Variants in DMD observed in about 807,000 individuals in gnomAD.
The protein encoded by DMD is dystrophin.
DMD carries 63 observed loss-of-function variants against 330.1 expected under a neutral mutation model. That is an observed-to-expected ratio of 0.19 (90% CI 0.16 to 0.24). DMD has a LOEUF of 0.24. Among genes scored for constraint, DMD ranks in the 10% least tolerant of loss-of-function variants. The pLI is 1.00. For synonymous variants in DMD, 1,223 were observed against 959.8 expected (o/e 1.27, Z -5.07); for missense variants, 3,344 against 2,684.1 (o/e 1.25, Z -5.43).
At chrX:33,016,573 G>C (rs888267164) in intron 2 of DMD, among the ~76,000 whole-genome samples, 11 of 111,314 alleles carry the variant, frequency 9.9e-5, no homozygotes, top group Non-Finnish European at 1.9e-4. Context: ...CTTTTGTGAA[G>C]ACATTAGACA....
chrX:31,478,000 AT>A lies in DMD; in HGVS notation c.8937+105del, dbSNP rs201871599. The A allele has an allele frequency of 1.0e-3, 949 of 931,267 alleles. 3 individuals carry two copies. The African/African-American group carries it at 0.016, about 16-fold the overall frequency. The allele number at this position is 931,267 out of a possible 1,213,427, so 76.7% of individuals were successfully genotyped here. ...GACTGAATTTGTGAAAGACGGACTG[AT>A]TTCTCTAGCTTTAACTTTGTGGGAA... On this transcript the variant is annotated intron_variant, in intron 59 of 78. Transcript: ENST00000357033.
chrX:32,538,662 T>C (rs1474702432), intron 17 of DMD, among the ~76,000 whole-genome samples: 1 of 111,241 alleles, frequency 9.0e-6, no homozygotes, highest in Non-Finnish European at 1.9e-5. Flanking sequence ...GACACTCCAG[T>C]GAACTGATTT....
chrX:32,928,066 T>A (rs2089233650), intron 2 of DMD, among the ~76,000 whole-genome samples: 1 of 111,144 alleles, frequency 9.0e-6, no homozygotes, highest in Admixed American at 9.6e-5. Flanking sequence ...GCCATTAATT[T>A]TCTATGATAA....
chrX:33,222,476 T>C (rs1015602271), intron 1 of DMD, among the ~76,000 whole-genome samples: 1 of 112,396 alleles, frequency 8.9e-6, no homozygotes, highest in Non-Finnish European at 1.9e-5. Context: ...CCCCTTAATA[T>C]TGTGAACAAG....
intron 50 of DMD, among the ~76,000 whole-genome samples, chrX:31,779,693 G>GTGTGTA (rs1391162767): frequency 5.7e-5 from 5 of 87,614 alleles, no homozygotes; most frequent in African/African-American, 1.9e-4. Flanking sequence ...CATTGTGTGT[G>GTGTGTA]TGTGTGTGTG....
Position 31,627,716 on chromosome X carries a change from A to T in DMD, c.8174T>A (p.Leu2725Gln). 8.3e-7 allele frequency: 1 copy of T among 1,211,474 alleles called. No individual in the cohort carries two copies. Among genetic ancestry groups the T allele is most frequent in the South Asian group, 1.8e-5 (1 of 56,989 alleles). ...CTCTTTTACTCCCTTGGAGTCTTCT[A>T]GGAGCCTTTCCTTACGGGTAGCATC... is the stretch of plus-strand genomic sequence containing the variant. ...LQDATRKERL[L>Q]EDSKGVKELM... is the part of the protein sequence containing the mutation. Residue 2725 changes from leucine to glutamine, a missense_variant, in exon 55 of 79, where the codon CTA becomes CAA. Coordinates refer to ENST00000357033, the MANE Select transcript of DMD (RefSeq NM_004006.3).
At position 31,879,209 on chromosome X, in the gene DMD, C is replaced by CGT. The variant is rs1556965813; in HGVS notation, c.6913-3837_6913-3836insAC. On this transcript the variant is annotated intron_variant, in intron 47 of 78. Coordinates refer to ENST00000357033, the MANE Select transcript of DMD (RefSeq NM_004006.3). ...TTAATGGACTCACCATTCTACATGGCGGGGGGGGGCCTCACAATCATGGCA... is the reference window on the plus strand; with the variant it reads ...TTAATGGACTCACCATTCTACATGGCGTGGGGGGGGGCCTCACAATCATGGCA... Among the ~76,000 whole-genome samples the CGT allele has an allele frequency of 2.4e-5, 2 of 83,804 alleles. 1 individual carries two copies. Among genetic ancestry groups the CGT allele is most frequent in the African/African-American group, 8.9e-5 (2 of 22,439 alleles). 72.8% of individuals were successfully genotyped at this position (83,804 alleles called of 115,157 possible). A position where few individuals can be genotyped will look rare whatever the true frequency, so the allele number is the denominator to read the frequency against.
chrX:31,760,824 G>T (rs6631383), intron 51 of DMD, among the ~76,000 whole-genome samples: 30,524 of 110,087 alleles, frequency 0.28, 2,991 homozygotes, highest in East Asian at 0.45. Flanking sequence ...ATAATAACAG[G>T]TAAAAAAAGA....
chrX:32,261,072 A>G (rs965451969), intron 43 of DMD, among the ~76,000 whole-genome samples: 1 of 112,024 alleles, frequency 8.9e-6, no homozygotes, highest in Non-Finnish European at 1.9e-5. Flanking sequence ...AATAAGTGCT[A>G]AACTGATGGT....
intron 1 of DMD, among the ~76,000 whole-genome samples, chrX:33,281,456 G>A (rs1253734765): frequency 9.0e-6 from 1 of 111,349 alleles, no homozygotes; most frequent in Non-Finnish European, 1.9e-5. Context: ...TGATCCGGTC[G>A]CCGGGGTCTC....
At chrX:32,126,582 T>C (rs773843171) in intron 44 of DMD, among the ~76,000 whole-genome samples, 33 of 112,303 alleles carry the variant, frequency 2.9e-4, no homozygotes, top group Non-Finnish European at 4.9e-4. Context: ...AAAAATCTAA[T>C]TGAATAGTTC....
intron 54 of DMD, among the ~76,000 whole-genome samples, chrX:31,645,763 T>C (rs1031429663): frequency 8.9e-6 from 1 of 112,152 alleles, no homozygotes; most frequent in African/African-American, 3.2e-5. Flanking sequence ...ATGCATACTG[T>C]ATAGATTATC....
At chrX:32,778,243 C>CAAAAAAAAAAA (rs35311570) in intron 7 of DMD, among the ~76,000 whole-genome samples, 1 of 67,667 alleles carries the variant, frequency 1.5e-5, no homozygotes, top group African/African-American at 5.5e-5. Context: ...CAGATCCTCG[C>CAAAAAAAAAAA]AAAAAAAAAA....
chrX:31,743,903 C>T (rs2087587234), intron 51 of DMD, among the ~76,000 whole-genome samples: 1 of 109,242 alleles, frequency 9.2e-6, no homozygotes, highest in Non-Finnish European at 1.9e-5. Context: ...GTCATTCTGG[C>T]TGGAGGGCAC....
chrX:32,299,237 C>G (rs1369525825), intron 42 of DMD, among the ~76,000 whole-genome samples: 1 of 110,166 alleles, frequency 9.1e-6, no homozygotes, highest in East Asian at 2.9e-4. Context: ...TGTTTTATCT[C>G]TTTATTTTTC....
At chrX:32,839,970 A>T (rs1373218592) in intron 4 of DMD, among the ~76,000 whole-genome samples, 1 of 111,574 alleles carries the variant, frequency 9.0e-6, no homozygotes, top group African/African-American at 3.3e-5. Context: ...GGACCACCCA[A>T]AGTGCTGGTA....
At chrX:31,851,512 G>A (rs2093525749) in intron 48 of DMD, among the ~76,000 whole-genome samples, 1 of 111,599 alleles carries the variant, frequency 9.0e-6, no homozygotes, top group Non-Finnish European at 1.9e-5. Flanking sequence ...CCTTAAAGTG[G>A]GGGTTTCAAA....
rs183547864 is a variant in DMD at position 31,657,594 on chromosome X, A to G, written c.8027+396T>C. Among the ~76,000 whole-genome samples the G allele has an allele frequency of 6.3e-5, 7 of 111,882 alleles. 1 individual carries two copies. The highest frequency in any genetic ancestry group is 2.3e-4 in the African/African-American group (7 of 30,824). On this transcript the variant is annotated intron_variant, in intron 54 of 78. Transcript: ENST00000357033. ...GTGAGATACTAGGATGAGACCATGTACAGCTATAACTCTATCATGAATCCC... is the reference window on the plus strand; with the variant it reads ...GTGAGATACTAGGATGAGACCATGTGCAGCTATAACTCTATCATGAATCCC...
chrX:31,829,571 G>A (rs1381840447), intron 49 of DMD, among the ~76,000 whole-genome samples: 1 of 110,560 alleles, frequency 9.0e-6, no homozygotes, highest in Non-Finnish European at 1.9e-5. Context: ...CTATCATTAA[G>A]ACAAGGAAAA....
Sources: allele counts gnomAD v4.1 joint callset (sites outside exome capture counted in the v4.1 genomes callset), GRCh38; gene constraint gnomAD v4.1.1; transcripts MANE v1.5; gene names NCBI Gene and HGNC (gene_info 2026-07-23, HGNC 2026-07-21).